The following UTRN variants were observed in gnomAD, a reference collection of about 807,000 sequenced individuals.
UTRN encodes utrophin.
A neutral mutation model predicts 463.9 loss-of-function variants in UTRN; 283 were observed. The observed-to-expected ratio is 0.61, with a 90% CI of 0.55 to 0.67. The LOEUF (loss-of-function observed/expected upper bound fraction) is 0.67. UTRN is among the 30% of genes least tolerant of loss of function. The pLI is 0.00. For synonymous variants in UTRN, 1,442 were observed against 1,431.5 expected (o/e 1.01, Z -0.17); for missense variants, 3,922 against 4,084.3 (o/e 0.96, Z 1.08).
chr6:144,451,266 A>G (rs1407637285), intron 17 of UTRN, 104 bp from the exon 18 acceptor site: 3 of 1,374,496 alleles, frequency 2.2e-6, no homozygotes, highest in Admixed American at 2.3e-5. Flanking sequence ...TGGGGGAGTG[A>G]TAAAAAGACA....
chr6:144,302,793 A>G (rs1465905025), intron 2 of UTRN, among the ~76,000 whole-genome samples: 1 of 151,982 alleles, frequency 6.6e-6, no homozygotes, highest in African/African-American at 2.4e-5. Context: ...AGAGGCAAGG[A>G]ATTTGAGGTG....
intron 2 of UTRN, chr6:144,398,336 G>A: frequency 6.0e-6 from 2 of 332,254 alleles, no homozygotes; most frequent in Non-Finnish European, 1.2e-5. Flanking sequence ...TGCTTGTTGG[G>A]CCACACTTGT....
At chr6:144,560,223 A>G (rs192138385) in intron 50 of UTRN, among the ~76,000 whole-genome samples, 1 of 152,290 alleles carries the variant, frequency 6.6e-6, no homozygotes, top group Non-Finnish European at 1.5e-5. Flanking sequence ...TTGGAATTCA[A>G]GCTTGACTGG....
chr6:144,479,732 C>T (rs1293383753), intron 25 of UTRN, 80 bp from the exon 26 acceptor site: 2 of 1,484,698 alleles, frequency 1.3e-6, no homozygotes, highest in East Asian at 2.3e-5. Context: ...TATTACTGTG[C>T]CTTTAAATAT....
chr6:144,343,820 G>A (rs1450788575), intron 2 of UTRN, among the ~76,000 whole-genome samples: 1 of 152,076 alleles, frequency 6.6e-6, no homozygotes, highest in Non-Finnish European at 1.5e-5. Context: ...TATACCCAGG[G>A]CAAACGCCTT....
intron 13 of UTRN, among the ~76,000 whole-genome samples, chr6:144,443,101 A>G (rs543623067): frequency 9.8e-5 from 15 of 152,364 alleles, no homozygotes; most frequent in Middle Eastern, 3.4e-3. Context: ...GCAATAGTGT[A>G]TCTTTACAAG....
intron 73 of UTRN, among the ~76,000 whole-genome samples, chr6:144,842,442 G>C (rs1193182989): frequency 6.6e-6 from 1 of 151,776 alleles, no homozygotes; most frequent in African/African-American, 2.4e-5. Flanking sequence ...AATTTTCCAG[G>C]TATGGTGGCA....
intron 10 of UTRN, among the ~76,000 whole-genome samples, 157 bp from the exon 11 acceptor site, chr6:144,437,408 A>G (rs901307517): frequency 6.6e-6 from 1 of 152,070 alleles, no homozygotes; most frequent in Non-Finnish European, 1.5e-5. Context: ...ATTTTCAGAG[A>G]TTAAAAAATG....
chr6:144,749,608 A>G (rs1274070611), intron 55 of UTRN, among the ~76,000 whole-genome samples: 4 of 152,196 alleles, frequency 2.6e-5, no homozygotes, highest in Non-Finnish European at 5.9e-5. Context: ...AACTTGCTTT[A>G]TCTCGAGCCC....
At chr6:144,434,574 C>T (rs181040374) in intron 9 of UTRN, among the ~76,000 whole-genome samples, 5 of 152,116 alleles carry the variant, frequency 3.3e-5, no homozygotes, top group Non-Finnish European at 7.4e-5. Flanking sequence ...GCCTAGGAGG[C>T]GCTGAAGTAG....
intron 52 of UTRN, among the ~76,000 whole-genome samples, chr6:144,688,425 G>A (rs778171797): frequency 4.6e-5 from 7 of 152,154 alleles, no homozygotes; most frequent in Non-Finnish European, 5.9e-5. Context: ...TGATCATTTG[G>A]TGGTGTTAAA....
At chr6:144,762,058 CTCTTT>C (rs1792756068) in intron 58 of UTRN, among the ~76,000 whole-genome samples, 1 of 152,138 alleles carries the variant, frequency 6.6e-6, no homozygotes, top group African/African-American at 2.4e-5. Flanking sequence ...CATAGATGAT[CTCTTT>C]TAATTCTCTC....
intron 58 of UTRN, among the ~76,000 whole-genome samples, chr6:144,766,884 GGAAATTTTTAA>G (rs1330580318): frequency 1.3e-5 from 2 of 152,034 alleles, no homozygotes; most frequent in Admixed American, 6.6e-5. Context: ...GTGCAGCACA[GGAAATTTTTAA>G]GAAATCATTG....
intron 65 of UTRN, among the ~76,000 whole-genome samples, chr6:144,819,866 C>CCCCTT (rs1449764445): frequency 1.4e-5 from 2 of 144,426 alleles, no homozygotes; most frequent in African/African-American, 5.4e-5. Context: ...CTCCCCTTCT[C>CCCCTT]CTCCTCCGCC....
chr6:144,479,114 GTTT>G (rs36044387), intron 25 of UTRN, among the ~76,000 whole-genome samples: 4 of 114,776 alleles, frequency 3.5e-5, no homozygotes, highest in Admixed American at 8.8e-5. Flanking sequence ...GCTTCTAGGG[GTTT>G]TTTTTTTTTT....
At chr6:144,810,548 A>T (rs938989482) in intron 65 of UTRN, among the ~76,000 whole-genome samples, 1 of 152,158 alleles carries the variant, frequency 6.6e-6, no homozygotes, top group Non-Finnish European at 1.5e-5. Flanking sequence ...CAGTAACCCC[A>T]TCCATGGAGA....
At chr6:144,607,555 C>T (rs1304068666) in intron 51 of UTRN, among the ~76,000 whole-genome samples, 1 of 152,100 alleles carries the variant, frequency 6.6e-6, no homozygotes, top group Non-Finnish European at 1.5e-5. Context: ...GCAAAAAGGA[C>T]CATAGGTTTC....
chr6:144,296,592 T>G (rs562412857), intron 2 of UTRN, among the ~76,000 whole-genome samples: 1 of 152,344 alleles, frequency 6.6e-6, no homozygotes, highest in East Asian at 1.9e-4. Flanking sequence ...AGAGCTGGCA[T>G]TTGAACTCAG....
rs1215479693 is a variant in UTRN at position 144,772,038 on chromosome 6, T to TG, written c.8557+70_8557+71insG. The TG allele has an allele frequency of 1.0e-5, 11 of 1,089,824 alleles. No homozygotes were observed. The African/African-American group carries it at 1.5e-4, about 15-fold the overall frequency. The allele number at this position is 1,089,824 out of a possible 1,614,324, so 67.5% of individuals were successfully genotyped here. On this transcript the variant is annotated intron_variant, in intron 59 of 74. Coordinates refer to ENST00000367545, the MANE Select transcript of UTRN (RefSeq NM_007124.3). ...CCGGTTTTTTTTTTTTTTTTTTTTT[T>TG]TTTTTTTTTTTTTTTAAGGTGGATT... is the stretch of plus-strand genomic sequence containing the variant.
Sources: allele counts gnomAD v4.1 joint callset (sites outside exome capture counted in the v4.1 genomes callset), GRCh38; gene constraint gnomAD v4.1.1; transcripts MANE v1.5; gene names NCBI Gene and HGNC (gene_info 2026-07-23, HGNC 2026-07-21).